The following SKIC3 variants were observed in gnomAD, a reference collection of about 807,000 sequenced individuals.
SKIC3 encodes the protein superkiller complex protein 3.
the SKIC3 span, among the ~76,000 whole-genome samples, chr5:95,476,806 T>C: frequency 6.6e-6 from 1 of 152,166 alleles, no homozygotes; most frequent in Admixed American, 6.5e-5. Flanking sequence ...GGGACAGGTA[T>C]ACATGGGTAT....
chr5:95,471,745 C>A, the SKIC3 span, among the ~76,000 whole-genome samples: 1 of 152,262 alleles, frequency 6.6e-6, no homozygotes, highest in Non-Finnish European at 1.5e-5. Flanking sequence ...TTGCATTTAA[C>A]TGGTGCCATT....
the SKIC3 span, among the ~76,000 whole-genome samples, chr5:95,475,061 G>A: frequency 6.6e-6 from 1 of 152,174 alleles, no homozygotes; most frequent in South Asian, 2.1e-4. Flanking sequence ...ATCTTGACAA[G>A]CTTCCTTGCC....
chr5:95,467,899 G>A, the SKIC3 span: 17 of 1,613,480 alleles, frequency 1.1e-5, no homozygotes, highest in Non-Finnish European at 1.3e-5. Context: ...TGGCATATAA[G>A]TGTCTCAGTA....
chr5:95,478,874 T>A, the SKIC3 span, among the ~76,000 whole-genome samples: 1 of 152,180 alleles, frequency 6.6e-6, no homozygotes, highest in Non-Finnish European at 1.5e-5. Context: ...CTTAATCTGA[T>A]AAGGATATTT....
At chr5:95,509,125 A>G in the SKIC3 span, among the ~76,000 whole-genome samples, 1 of 152,218 alleles carries the variant, frequency 6.6e-6, no homozygotes, top group Non-Finnish European at 1.5e-5. Flanking sequence ...TAATAATAGT[A>G]TACAATGAAA....
the SKIC3 span, among the ~76,000 whole-genome samples, chr5:95,542,997 A>G: frequency 0.012 from 1,857 of 152,284 alleles, 38 homozygotes; most frequent in African/African-American, 0.042. Flanking sequence ...AATAGTGTTA[A>G]ACAACATCCT....
the SKIC3 span, chr5:95,495,278 C>A: frequency 4.6e-6 from 2 of 430,770 alleles, no homozygotes; most frequent in Non-Finnish European, 4.2e-6. Flanking sequence ...TATAATTTTA[C>A]CAACGAAATG....
At chr5:95,521,033 AT>A in the SKIC3 span, among the ~76,000 whole-genome samples, 1 of 152,088 alleles carries the variant, frequency 6.6e-6, no homozygotes, top group African/African-American at 2.4e-5. Flanking sequence ...ACTAGAAGTT[AT>A]AAAAAAGTTA....
At chr5:95,491,659 C>A in the SKIC3 span, among the ~76,000 whole-genome samples, 2 of 152,084 alleles carry the variant, frequency 1.3e-5, no homozygotes, top group Admixed American at 6.5e-5. Context: ...TGGAAGGGAA[C>A]TTTTTATGCA....
the SKIC3 span, among the ~76,000 whole-genome samples, chr5:95,475,848 C>T: frequency 4.6e-5 from 7 of 152,278 alleles, no homozygotes; most frequent in South Asian, 8.3e-4. Flanking sequence ...ATAAGAGTAA[C>T]GGTGGGTAAC....
chr5:95,552,295 A>G, the SKIC3 span, among the ~76,000 whole-genome samples: 4 of 152,070 alleles, frequency 2.6e-5, no homozygotes, highest in African/African-American at 7.2e-5. Flanking sequence ...AACAGGGATC[A>G]CTCCCTCCTC....
the SKIC3 span, among the ~76,000 whole-genome samples, chr5:95,483,781 C>T: frequency 1.3e-5 from 2 of 152,104 alleles, no homozygotes; most frequent in Non-Finnish European, 2.9e-5. Flanking sequence ...TTATTGAGCC[C>T]CTACTATGTT....
the SKIC3 span, chr5:95,490,872 A>G: frequency 6.2e-7 from 1 of 1,612,298 alleles, no homozygotes; most frequent in Non-Finnish European, 8.5e-7. Flanking sequence ...AGAAATCTGA[A>G]TTAAATCATG....
chr5:95,503,766 T>C, the SKIC3 span: 1 of 1,610,284 alleles, frequency 6.2e-7, no homozygotes, highest in Non-Finnish European at 8.5e-7. Flanking sequence ...CTCATCATGA[T>C]TAAACTCGAC....
chr5:95,517,239 G>T, the SKIC3 span: 2 of 1,613,302 alleles, frequency 1.2e-6, no homozygotes, highest in South Asian at 2.2e-5. Context: ...ATTCACTTTA[G>T]ATGGTGCGAC....
the SKIC3 span, among the ~76,000 whole-genome samples, chr5:95,467,069 T>C: frequency 4.6e-5 from 7 of 152,166 alleles, no homozygotes; most frequent in Admixed American, 4.6e-4. Context: ...ATTTGTATTG[T>C]TATAAACTTC....
At chr5:95,463,906 G>A in the SKIC3 span, 1 of 152,044 alleles carries the variant, frequency 6.6e-6, no homozygotes, top group Non-Finnish European at 1.5e-5. Context: ...CTGTATTTTT[G>A]TTTTATTTCA....
the SKIC3 span, among the ~76,000 whole-genome samples, chr5:95,552,450 A>C: frequency 2.6e-5 from 4 of 152,194 alleles, no homozygotes; most frequent in Non-Finnish European, 5.9e-5. Flanking sequence ...TATACCCAAC[A>C]CTTACTGGAT....
At chr5:95,477,287 A>G in the SKIC3 span, among the ~76,000 whole-genome samples, 1 of 152,192 alleles carries the variant, frequency 6.6e-6, no homozygotes, top group Non-Finnish European at 1.5e-5. Context: ...AAGGAAGCAA[A>G]AATGAACAGA....
Sources: gnomAD v4.1 joint callset for allele counts (sites outside exome capture counted in the v4.1 genomes callset) on GRCh38, gnomAD v4.1.1 for gene constraint, MANE v1.5 for transcripts, NCBI Gene and HGNC (gene_info 2026-07-23, HGNC 2026-07-21) for gene names.